C10orf67: variants seen among roughly 807,000 people sequenced by gnomAD.
C10orf67 encodes the protein uncharacterized protein C10orf67, mitochondrial.
Under a neutral mutation model 35.6 loss-of-function variants are expected in C10orf67, and 60 were observed. That is an observed-to-expected ratio of 1.68 (90% CI 1.37 to 2.09). The LOEUF (loss-of-function observed/expected upper bound fraction) is 2.09, where lower values mean the gene tolerates loss of function less well. Among genes scored for constraint, C10orf67 ranks in the 30% most tolerant of loss-of-function variants. The probability of loss-of-function intolerance (pLI) is 0.00; values close to 1 mark genes in which losing one functional copy is unlikely to be tolerated. For missense variants in C10orf67, 474 were observed against 330.2 expected (o/e 1.44, Z -3.38); for synonymous variants, 167 against 115.8 (o/e 1.44, Z -2.84).
chr10:23,216,126 G>C (rs758613751), intron 15 of C10orf67, among the ~76,000 whole-genome samples: 5 of 152,058 alleles, frequency 3.3e-5, no homozygotes, highest in Non-Finnish European at 7.4e-5. Context: ...TTTGTGAAGC[G>C]TGAAACTAGC....
Position 23,223,746 on chromosome 10 carries a change from A to T in C10orf67, c.1507T>A (p.Ser503Thr), listed in dbSNP as rs964939705. 1 of 715,930 alleles carries T rather than the reference A, an allele frequency of 1.4e-6. No homozygotes were observed. The highest frequency in any genetic ancestry group is 1.7e-5 in the African/African-American group (1 of 57,196). 44.3% of individuals were successfully genotyped at this position (715,930 alleles called of 1,614,324 possible). ...ATAAAGAAAAATAAGCTACTTACTG[A>T]AGATGTACAATGACTTGAAGAGGAT... ...AISSSSHCTS[S>T]IDGKHVDVVS... Residue 503 changes from serine (S) to threonine (T), a missense_variant and splice_region_variant, in exon 14 of 16, where the codon TCA becomes ACA. Ser to Thr is a moderately conservative substitution (Grantham distance 58). Transcript: ENST00000636213.
chr10:23,286,955 C>T (rs1323481365), intron 7 of C10orf67, among the ~76,000 whole-genome samples: 1 of 151,926 alleles, frequency 6.6e-6, no homozygotes, highest in African/African-American at 2.4e-5. Flanking sequence ...CTGAGAATAT[C>T]TTGAATGAGG....
chr10:23,222,510 G>A (rs1239501106), intron 15 of C10orf67, among the ~76,000 whole-genome samples: 1 of 152,102 alleles, frequency 6.6e-6, no homozygotes, highest in African/African-American at 2.4e-5. Flanking sequence ...CCAAAAGGAG[G>A]GAGAGAGGAA....
At chr10:23,281,869 A>T (rs917889937) in intron 8 of C10orf67, 144 bp downstream of exon 8, 20 of 396,316 alleles carry the variant, frequency 5.0e-5, no homozygotes, top group Non-Finnish European at 8.3e-5. Flanking sequence ...ACATATGTTT[A>T]TAATTTTACA....
chr10:23,262,822 T>G (rs1842787649), intron 10 of C10orf67, among the ~76,000 whole-genome samples: 1 of 152,198 alleles, frequency 6.6e-6, no homozygotes, highest in African/African-American at 2.4e-5. Flanking sequence ...TCAGCTGGAT[T>G]TTAAATATAT....
intron 15 of C10orf67, among the ~76,000 whole-genome samples, chr10:23,218,543 C>G (rs776284440): frequency 3.3e-5 from 5 of 151,890 alleles, no homozygotes; most frequent in Non-Finnish European, 5.9e-5. Context: ...AAGGGAAATT[C>G]CTAAGAAAAG....
intron 10 of C10orf67, among the ~76,000 whole-genome samples, chr10:23,255,465 C>T (rs184596002): frequency 2.9e-4 from 44 of 152,310 alleles, no homozygotes; most frequent in Non-Finnish European, 5.3e-4. Context: ...ATGCAACTCT[C>T]AAGCATGTCT....
chr10:23,344,645 C>G lies in C10orf67; in HGVS notation c.130G>C (p.Glu44Gln), dbSNP rs1279101342. 1 of 1,580,884 alleles carries G rather than the reference C, an allele frequency of 6.3e-7. No individual in the cohort carries two copies. The highest frequency in any genetic ancestry group is 1.3e-5 in the African/African-American group (1 of 74,138). The change falls in exon 1 of 16, where the codon GAG becomes CAG. Residue 44 changes from glutamate (E) to glutamine (Q), a missense_variant. Glu to Gln is a conservative substitution (Grantham distance 29, BLOSUM62 2). Transcript: ENST00000636213. The stretch of plus-strand genomic sequence containing the variant: ...CTACGCGCGCAGCAGACCCGCAGCT[C>G]GGTGGCCTTGGCTTTCATGGCCTCC... The part of the protein sequence containing the change: ...RWEAMKAKAT[E>Q]LRVCCARRKR...
chr10:23,221,734 A>C (rs960930823), intron 15 of C10orf67, among the ~76,000 whole-genome samples: 4 of 152,140 alleles, frequency 2.6e-5, no homozygotes, highest in African/African-American at 9.7e-5. Context: ...AGATTCATTT[A>C]CTCCCCAAAT....
chr10:23,313,818 T>G (rs1844588629), intron 4 of C10orf67, among the ~76,000 whole-genome samples: 1 of 151,946 alleles, frequency 6.6e-6, no homozygotes, highest in Non-Finnish European at 1.5e-5. Context: ...TTAAACTTCA[T>G]CCTAAAGGCA....
intron 15 of C10orf67, among the ~76,000 whole-genome samples, chr10:23,210,310 T>C (rs1032064207): frequency 1.3e-5 from 2 of 152,172 alleles, no homozygotes; most frequent in South Asian, 4.1e-4. Flanking sequence ...GGCATGTTTA[T>C]GGAAGAGAGT....
At chr10:23,218,437 C>T (rs973788563) in intron 15 of C10orf67, among the ~76,000 whole-genome samples, 1 of 151,816 alleles carries the variant, frequency 6.6e-6, no homozygotes. Context: ...TGTGAGCCAC[C>T]ACTCCCAGCC....
intron 4 of C10orf67, among the ~76,000 whole-genome samples, chr10:23,311,468 T>G (rs1844491352): frequency 6.6e-6 from 1 of 152,140 alleles, no homozygotes; most frequent in South Asian, 2.1e-4. Context: ...TCCCAGCACT[T>G]TGGGAGGCCG....
At position 23,333,084 on chromosome 10, in the gene C10orf67, G is replaced by A; in HGVS notation, c.305C>T (p.Ser102Leu). The A allele has an allele frequency of 6.2e-7, 1 of 1,612,118 alleles. No homozygotes were observed. The highest frequency in any genetic ancestry group is 1.3e-5 in the African/African-American group (1 of 75,000). The change falls in exon 2 of 16, where the codon TCA becomes TTA. Residue 102 changes from serine (S) to leucine (L), a missense_variant. Ser to Leu is a moderately radical substitution (Grantham distance 145). Transcript: ENST00000636213. Reference sequence around the variant, plus strand: ...TACCTGTGCTAACTTTTGCGTAGATGAACTCAATTCTTTTACTGACAGTAT... The same window carrying A: ...TACCTGTGCTAACTTTTGCGTAGATAAACTCAATTCTTTTACTGACAGTAT... Reference protein sequence around the residue: ...SEILSVKELSSSTQKLAQMMK... With the variant: ...SEILSVKELSLSTQKLAQMMK...
chr10:23,333,691 GGCTACAGATTATACA>G (rs1275567812), intron 1 of C10orf67, among the ~76,000 whole-genome samples: 3 of 152,166 alleles, frequency 2.0e-5, no homozygotes, highest in Non-Finnish European at 4.4e-5. Flanking sequence ...GTTTTCCAGA[GGCTACAGATTATACA>G]GAAGCAGCTA....
rs577616745 is a variant in C10orf67, at chr10:23,222,102, A to G, written c.1570+1496T>C. ...TATATTCAATTTTATTAGTAAGGCA[A>G]AAAAGTGAGCTAATAGATTTTAGGA... On this transcript the variant is annotated intron_variant, in intron 15 of 15. Transcript: ENST00000636213. 3.9e-5 allele frequency among the ~76,000 whole-genome samples: 6 copies of G among 152,296 alleles called. No homozygotes were observed. In the East Asian group the frequency reaches 5.8e-4, roughly 15 times the overall value.
chr10:23,304,323 C>A (rs761323712), intron 4 of C10orf67, among the ~76,000 whole-genome samples: 4 of 152,208 alleles, frequency 2.6e-5, no homozygotes, highest in Non-Finnish European at 5.9e-5. Context: ...CTATGCCTTT[C>A]TGTGCCCCAA....
At chr10:23,205,643 A>G (rs183695150) in intron 15 of C10orf67, among the ~76,000 whole-genome samples, 8 of 152,286 alleles carry the variant, frequency 5.3e-5, no homozygotes, top group Admixed American at 3.3e-4. Flanking sequence ...TTTACCAACA[A>G]ATAAATGTCC....
At chr10:23,304,954 T>C (rs1844219663) in intron 4 of C10orf67, among the ~76,000 whole-genome samples, 2 of 152,250 alleles carry the variant, frequency 1.3e-5, no homozygotes, top group South Asian at 4.2e-4. Context: ...ATGGTCCCCA[T>C]TGCAGACCCA....
Sources: gnomAD v4.1 joint callset for allele counts (sites outside exome capture counted in the v4.1 genomes callset) on GRCh38, gnomAD v4.1.1 for gene constraint, MANE v1.5 for transcripts, NCBI Gene and HGNC (gene_info 2026-07-23, HGNC 2026-07-21) for gene names.